Variants in ABCC6 observed in about 807,000 individuals in gnomAD.
ABCC6 encodes the protein ATP binding cassette subfamily C member 6, also known as ATP-binding cassette sub-family C member 6.
A neutral mutation model predicts 169.5 loss-of-function variants in ABCC6; 126 were observed. That is an observed-to-expected ratio of 0.74 (90% confidence interval 0.64 to 0.86). ABCC6 has a LOEUF of 0.86. Ranked by LOEUF, ABCC6 falls within the 40% of genes least tolerant of loss-of-function variation. The pLI is 0.00. For missense variants in ABCC6, 1,733 were observed against 1,927.2 expected (o/e 0.90, Z 1.89); for synonymous variants, 752 against 814.7 (o/e 0.92, Z 1.31).
In ABCC6 at chr16:16,161,469, A is replaced by G; in HGVS notation, c.3602T>C (p.Leu1201Pro). 6.2e-7 allele frequency: 1 copy of G among 1,613,964 alleles called. No individual in the cohort carries two copies. Among genetic ancestry groups the G allele is most frequent in the Non-Finnish European group, 8.5e-7 (1 of 1,180,022 alleles). ...GGCAGCAGAGACAGAGAAGCCCACG[A>G]GGCCAGCACTGAGGTGGGCTTTGCT... ...VLSKAHLSAG[L>P]VGFSVSAALQ... The change falls in exon 25 of 31, where the codon CTC (leucine) becomes CCC (proline). Residue 1201 changes from leucine (L) to proline (P), a missense_variant. By Grantham distance (98) the Leu-to-Pro change is moderately conservative. This residue lies in a region of ABCC6 where 1,601 missense variants were observed against 1,635.5 expected (regional missense o/e 0.98). Coordinates refer to ENST00000205557, the MANE Select transcript of ABCC6 (RefSeq NM_001171.6).
chr16:16,166,460 G>A (rs147183381), intron 22 of ABCC6, among the ~76,000 whole-genome samples: 161 of 152,258 alleles, frequency 1.1e-3, no homozygotes, highest in South Asian at 4.8e-3. Flanking sequence ...GATACTCAGA[G>A]ACACAGCAGG....
At chr16:16,155,780 T>C (rs1480430783) in intron 27 of ABCC6, 1 of 152,604 alleles carries the variant, frequency 6.6e-6, no homozygotes, top group Non-Finnish European at 1.5e-5. Flanking sequence ...CACCCCACTG[T>C]ATGCCAAGTA....
intron 7 of ABCC6, among the ~76,000 whole-genome samples, chr16:16,206,569 TACTTCAGAAAGAAA>T (rs563544897): frequency 6.6e-6 from 1 of 151,980 alleles, no homozygotes; most frequent in East Asian, 1.9e-4. Flanking sequence ...GGTTGCAAAA[TACTTCAGAAAGAAA>T]ACCAAAGTTC....
intron 22 of ABCC6, among the ~76,000 whole-genome samples, chr16:16,168,800 G>A (rs1456178438): frequency 6.6e-6 from 1 of 152,124 alleles, no homozygotes; most frequent in Non-Finnish European, 1.5e-5. Flanking sequence ...GATCCATAGG[G>A]CCGGGTGCGG....
At chr16:16,192,101 T>G in intron 11 of ABCC6, among the ~76,000 whole-genome samples, 1 of 150,336 alleles carries the variant, frequency 6.7e-6, no homozygotes, top group Non-Finnish European at 1.5e-5. Context: ...TGCTGGAGGG[T>G]GGTGAGGGAA....
intron 4 of ABCC6, among the ~76,000 whole-genome samples, chr16:16,216,000 A>G (rs1317966592): frequency 6.7e-6 from 1 of 150,328 alleles, no homozygotes; most frequent in Non-Finnish European, 1.5e-5. Context: ...GCTCACTGCA[A>G]CCTCCGTCTC....
intron 10 of ABCC6, among the ~76,000 whole-genome samples, chr16:16,197,808 G>A (rs1381823230): frequency 6.6e-6 from 1 of 151,680 alleles, no homozygotes; most frequent in Non-Finnish European, 1.5e-5. Flanking sequence ...GGTGATGAAG[G>A]CAGAACAAGG....
intron 27 of ABCC6, 144 bp downstream of exon 27, chr16:16,157,519 A>AT: frequency 9.2e-7 from 1 of 1,089,482 alleles, no homozygotes; most frequent in Admixed American, 2.0e-5. Flanking sequence ...TGAGGAGTTC[A>AT]TTTTAGGGGG....
rs185900237 is a variant in ABCC6, at chr16:16,167,950, G to T, written c.2995+1696C>A. ...AATGAGGATTTGGGTTAATTCCAGGGCTCGGCTGACTCTGAGAATCCCTAA... is the reference window on the plus strand; with the variant it reads ...AATGAGGATTTGGGTTAATTCCAGGTCTCGGCTGACTCTGAGAATCCCTAA... On this transcript the variant is annotated intron_variant, in intron 22 of 30. Coordinates refer to ENST00000205557, the MANE Select transcript of ABCC6 (RefSeq NM_001171.6). Among the ~76,000 whole-genome samples the T allele has an allele frequency of 2.1e-3, 326 of 152,270 alleles. 2 individuals are homozygous for T. The highest frequency in any genetic ancestry group is 3.1e-3 in the Non-Finnish European group (213 of 68,038).
Position 16,203,597 on chromosome 16 carries a change from C to T in ABCC6, c.811G>A (p.Ala271Thr), listed in dbSNP as rs763368082. 1 of 1,614,036 alleles carries T rather than the reference C, an allele frequency of 6.2e-7. No individual in the cohort carries two copies. Among genetic ancestry groups the T allele is most frequent in the Non-Finnish European group, 8.5e-7 (1 of 1,179,882 alleles). The change falls in exon 8 of 31, where the codon GCA (alanine) becomes ACA (threonine). Residue 271 changes from alanine to threonine, a missense_variant. Transcript: ENST00000205557. ...SAARRHNKAI[A>T]FKRKGGSGMK... ...CCACTGCCGCCTTTCCTTTTAAATG[C>T]TATTGCCTTGTTGTGCCTGAGGGGA...
rs767302163 is a variant in ABCC6 at position 16,150,595 on chromosome 16, G to A, written c.4386C>T (p.Ser1462=). The change falls in exon 30 of 31, where the codon TCC becomes TCT. Residue 1462 remains serine (S), a synonymous_variant. Transcript: ENST00000205557. Reference sequence around the variant, plus strand: ...AGCCTTACCGGGCACAGTCCATCACGGAGCGCAGGCGGTGGGCAATGAGCA... The same window carrying A: ...AGCCTTACCGGGCACAGTCCATCACAGAGCGCAGGCGGTGGGCAATGAGCA... The part of the protein sequence containing the change: ...TVLLIAHRLR[S]VMDCARVLVM... The A allele has an allele frequency of 5.6e-6, 9 of 1,611,742 alleles. No individual in the cohort carries two copies. The highest frequency in any genetic ancestry group is 1.7e-6 in the Non-Finnish European group (2 of 1,178,754).
intron 12 of ABCC6, 41 bp from the exon 13 acceptor site, chr16:16,189,015 G>A (rs769169683): frequency 1.4e-5 from 23 of 1,610,096 alleles, no homozygotes; most frequent in African/African-American, 1.3e-4. Flanking sequence ...AGTGAGACAC[G>A]CAAGCATGGA....
At chr16:16,170,425 A>T (rs952576518) in intron 21 of ABCC6, among the ~76,000 whole-genome samples, 59 of 152,060 alleles carry the variant, frequency 3.9e-4, no homozygotes, top group Non-Finnish European at 1.3e-4. Context: ...AACACCCACC[A>T]TAGGTCAGGC....
chr16:16,166,890 T>G (rs988984017), intron 22 of ABCC6, among the ~76,000 whole-genome samples: 1 of 134,894 alleles, frequency 7.4e-6, no homozygotes, highest in African/African-American at 2.6e-5. Flanking sequence ...AGAGCAAGAC[T>G]CCGTCTCAGA....
intron 17 of ABCC6, 95 bp from the exon 18 acceptor site, chr16:16,179,060 A>T: frequency 7.3e-7 from 1 of 1,366,608 alleles, no homozygotes; most frequent in Non-Finnish European, 1.0e-6. Context: ...CCTGCCCATC[A>T]GGGTGAGGTA....
intron 9 of ABCC6, among the ~76,000 whole-genome samples, chr16:16,198,423 T>A (rs2048126843): frequency 6.6e-6 from 1 of 152,112 alleles, no homozygotes; most frequent in African/African-American, 2.4e-5. Context: ...AACACCAGAT[T>A]AACACAGATA....
intron 13 of ABCC6, among the ~76,000 whole-genome samples, chr16:16,187,974 G>A (rs12931065): frequency 0.24 from 35,629 of 151,406 alleles, 5,055 homozygotes; most frequent in Non-Finnish European, 0.32. Flanking sequence ...GCTCATGCCT[G>A]TAATCCTAGC....
chr16:16,178,243 C>T (rs1439456608), intron 18 of ABCC6, among the ~76,000 whole-genome samples: 3 of 151,996 alleles, frequency 2.0e-5, no homozygotes, highest in South Asian at 2.1e-4. Flanking sequence ...AGGAGAATGG[C>T]GTGAACCCGG....
chr16:16,178,606 C>G (rs1325768150), intron 18 of ABCC6, among the ~76,000 whole-genome samples, 192 bp downstream of exon 18: 1 of 152,092 alleles, frequency 6.6e-6, no homozygotes, highest in Non-Finnish European at 1.5e-5. Context: ...GGAAGAAACA[C>G]CTGCTGTTGT....
Sources: allele counts gnomAD v4.1 joint callset (sites outside exome capture counted in the v4.1 genomes callset), GRCh38; gene constraint gnomAD v4.1.1; regional missense constraint gnomAD v4.1.1; transcripts MANE v1.5; gene names NCBI Gene and HGNC (gene_info 2026-07-23, HGNC 2026-07-21).